The following SMIM9 variants were observed in gnomAD, a reference collection of about 807,000 sequenced individuals.
SMIM9 encodes chromosome X open reading frame 68.
Under a neutral mutation model 7.2 loss-of-function variants are expected in SMIM9, and 8 were observed. The observed-to-expected ratio is 1.10, with a 90% CI of 0.65 to 1.99. SMIM9 has a LOEUF of 1.99. Ranked by LOEUF, SMIM9 falls within the 30% of genes most tolerant of loss-of-function variation. The pLI is 0.00. For synonymous variants in SMIM9, 19 were observed against 26.4 expected (o/e 0.72, Z 0.86); for missense variants, 76 against 69.3 (o/e 1.10, Z -0.34).
Position 154,830,703 on chromosome X carries a change from C to G in SMIM9, c.142+12G>C. On this transcript the variant is annotated intron_variant, in intron 3 of 4. Transcript: ENST00000369529. The stretch of plus-strand genomic sequence containing the variant: ...ATGAAGAAAGAAACATTCATCCTAA[C>G]AGCAAACACACCCCCTGAGCGTGGT... 12 of 1,165,451 alleles carry G rather than the reference C, an allele frequency of 1.0e-5. No individual in the cohort carries two copies. The highest frequency in any genetic ancestry group is 1.4e-5 in the Non-Finnish European group (12 of 871,693).
chrX:154,831,898 C>T (rs1261681141), intron 2 of SMIM9, among the ~76,000 whole-genome samples: 1 of 110,789 alleles, frequency 9.0e-6, no homozygotes, highest in African/African-American at 3.3e-5. Context: ...TAAAATTGTA[C>T]CACCCTCCTA....
At chrX:154,824,148 G>A (rs2072408606) in intron 4 of SMIM9, among the ~76,000 whole-genome samples, 1 of 110,217 alleles carries the variant, frequency 9.1e-6, no homozygotes, top group African/African-American at 3.3e-5. Flanking sequence ...ACGAGGTCAG[G>A]AGATCGAGAC....
chrX:154,829,975 A>T, intron 3 of SMIM9, among the ~76,000 whole-genome samples: 1 of 112,229 alleles, frequency 8.9e-6, no homozygotes, highest in East Asian at 2.8e-4. Context: ...TGATAACAAG[A>T]AAGTCTTTAC....
At position 154,833,676 on chromosome X, in the gene SMIM9, G is replaced by A. The variant is rs958950322; in HGVS notation, c.-210+887C>T. On this transcript the variant is annotated intron_variant, in intron 1 of 4. Transcript: ENST00000369529. ...ACCACCGTGGCACATGTATACCTAC[G>A]TAACAAACATGCATGTTCTGCACAT... Among the ~76,000 whole-genome samples the A allele has an allele frequency of 1.6e-4, 17 of 109,030 alleles. 1 individual carries two copies. Among genetic ancestry groups the A allele is most frequent in the Non-Finnish European group, 1.1e-4 (6 of 52,549 alleles). 94.7% of individuals were successfully genotyped at this position (109,030 alleles called of 115,157 possible). A position where few individuals can be genotyped will look rare whatever the true frequency, so the allele number is the denominator to read the frequency against.
chrX:154,827,373 A>G (rs1342952413), intron 4 of SMIM9: 3 of 112,286 alleles, frequency 2.7e-5, no homozygotes, highest in African/African-American at 9.7e-5. Context: ...ACACAATAAA[A>G]TTGATCCTTC....
chrX:154,826,729 T>C (rs1557270269), intron 4 of SMIM9, among the ~76,000 whole-genome samples: 1 of 112,478 alleles, frequency 8.9e-6, no homozygotes, highest in East Asian at 2.8e-4. Context: ...TCTGGTGCTG[T>C]TTCCTGTTGA....
At chrX:154,827,627 G>A (rs2072426948) in intron 4 of SMIM9, among the ~76,000 whole-genome samples, 1 of 112,547 alleles carries the variant, frequency 8.9e-6, no homozygotes, top group African/African-American at 3.2e-5. Flanking sequence ...AGCCTAACTG[G>A]AAGGAAGGTT....
chrX:154,823,811 C>A, intron 4 of SMIM9, 29 bp from the exon 5 acceptor site: 1 of 1,148,555 alleles, frequency 8.7e-7, no homozygotes, highest in Middle Eastern at 2.4e-4. Flanking sequence ...ATGGTGAATG[C>A]TCTGCACAGA....
rs995145264 is a variant in SMIM9 at position 154,832,634 on chromosome X, T to C, written c.-160A>G. On this transcript the variant is annotated 5_prime_UTR_variant, in exon 2 of 5. The change abolishes the stop of an existing upstream ORF in the 5' untranslated region. Transcript: ENST00000369529. ...ACCAGTGGAATTAGGCCTTAGTCTT[T>C]AGAGGGCAGAAGTCTTCAGAAGAAG... The C allele has an allele frequency of 6.3e-5, 7 of 111,729 alleles. No individual in the cohort carries two copies. Among genetic ancestry groups the C allele is most frequent in the Non-Finnish European group, 1.3e-4 (7 of 53,148 alleles). The allele number at this position is 111,729 out of a possible 1,213,427, so 9.2% of individuals were successfully genotyped here.
intron 2 of SMIM9, among the ~76,000 whole-genome samples, 182 bp from the exon 3 acceptor site, chrX:154,831,137 G>A (rs5945250): frequency 9.1e-6 from 1 of 110,136 alleles, no homozygotes; most frequent in East Asian, 2.9e-4. Flanking sequence ...GTCAGATACC[G>A]GACATTCCTT....
chrX:154,829,825 G>A (rs1557270441), intron 3 of SMIM9, among the ~76,000 whole-genome samples, 161 bp from the exon 4 acceptor site: 2 of 112,644 alleles, frequency 1.8e-5, no homozygotes, highest in African/African-American at 6.4e-5. Flanking sequence ...GCTGTAAGAT[G>A]TTCAAAGGGC....
chrX:154,826,472 G>T (rs2072422339), intron 4 of SMIM9, among the ~76,000 whole-genome samples: 1 of 111,424 alleles, frequency 9.0e-6, no homozygotes, highest in South Asian at 3.7e-4. Context: ...TCCTAGGCTG[G>T]TCTCAAACTC....
At chrX:154,824,281 C>T (rs1369736147) in intron 4 of SMIM9, among the ~76,000 whole-genome samples, 9 of 94,360 alleles carry the variant, frequency 9.5e-5, no homozygotes, top group Non-Finnish European at 1.6e-4. Flanking sequence ...GGCGTGAACC[C>T]GGAGGCGGAG....
intron 4 of SMIM9, among the ~76,000 whole-genome samples, chrX:154,825,848 C>T (rs201357225): frequency 9.5e-6 from 1 of 104,738 alleles, no homozygotes; most frequent in Admixed American, 1.1e-4. Flanking sequence ...CATGTTCTCA[C>T]TCATAGCTGG....
chrX:154,832,969 G>A (rs1403728574), intron 1 of SMIM9, among the ~76,000 whole-genome samples: 1 of 111,920 alleles, frequency 8.9e-6, no homozygotes, highest in African/African-American at 3.3e-5. Flanking sequence ...ATGATGTTGG[G>A]TGTGAGCCCT....
chrX:154,823,723 A>G lies in SMIM9; in HGVS notation c.*32T>C, dbSNP rs2072406573. On this transcript the variant is annotated 3_prime_UTR_variant, in exon 5 of 5. Coordinates refer to ENST00000369529, the MANE Select transcript of SMIM9 (RefSeq NM_001162936.4). Reference sequence around the variant, plus strand: ...ACTCTTTTGGAGTCCAACTGGAGAGACCACACTTGCCCTGTTGAATCTTCT... The same window carrying G: ...ACTCTTTTGGAGTCCAACTGGAGAGGCCACACTTGCCCTGTTGAATCTTCT... The G allele has an allele frequency of 8.7e-7, 1 of 1,148,353 alleles. No homozygotes were observed. The allele number at this position is 1,148,353 out of a possible 1,213,427, so 94.6% of individuals were successfully genotyped here. A position where few individuals can be genotyped will look rare whatever the true frequency, so the allele number is the denominator to read the frequency against.
chrX:154,824,386 A>G (rs1474406874), intron 4 of SMIM9, among the ~76,000 whole-genome samples: 46 of 109,198 alleles, frequency 4.2e-4, no homozygotes, highest in Admixed American at 2.6e-3. Flanking sequence ...AGAAAAAGAA[A>G]AAAAAGAAAG....
Position 154,830,878 on chromosome X carries a change from G to A in SMIM9, c.-22C>T. 8.6e-7 allele frequency: 1 copy of A among 1,160,684 alleles called. No homozygotes were observed. The highest frequency in any genetic ancestry group is 1.9e-5 in the South Asian group (1 of 51,562). ...CCATGGACTCCCGCCTTCAGCTGCGGCTGAAGAGCTGGTAATCCTAGCTCA... is the reference window on the plus strand; with the variant it reads ...CCATGGACTCCCGCCTTCAGCTGCGACTGAAGAGCTGGTAATCCTAGCTCA... On this transcript the variant is annotated 5_prime_UTR_variant, in exon 3 of 5. Transcript: ENST00000369529.
intron 1 of SMIM9, among the ~76,000 whole-genome samples, chrX:154,834,336 A>G (rs1400873418): frequency 2.7e-5 from 3 of 112,376 alleles, no homozygotes; most frequent in African/African-American, 9.7e-5. Context: ...TAGGATTTGG[A>G]GAAGCTAAAA....
Sources: allele counts gnomAD v4.1 joint callset (sites outside exome capture counted in the v4.1 genomes callset), GRCh38; gene constraint gnomAD v4.1.1; transcripts MANE v1.5; gene names NCBI Gene and HGNC (gene_info 2026-07-23, HGNC 2026-07-21).